Variants in PLCXD1 observed in about 807,000 individuals in gnomAD.
The protein encoded by PLCXD1 is phosphatidylinositol specific phospholipase C X domain containing 1, also known as PI-PLC X domain-containing protein 1.
PLCXD1 carries 45 observed loss-of-function variants against 37.8 expected under a neutral mutation model. The ratio of observed to expected loss-of-function variants is 1.19; its 90% confidence interval spans 0.94 to 1.53. PLCXD1 has a LOEUF of 1.53. Ranked by LOEUF, PLCXD1 falls within the 40% of genes most tolerant of loss-of-function variation. The probability of loss-of-function intolerance (pLI) is 0.00; values close to 1 mark genes in which losing one functional copy is unlikely to be tolerated. For missense variants in PLCXD1, 539 were observed against 454.7 expected, an observed-to-expected ratio of 1.19 and a Z score of -1.69; for synonymous variants, 246 against 206.9, an observed-to-expected ratio of 1.19 and a Z score of -1.62.
In PLCXD1 at chrX:284,261, C is replaced by G; in HGVS notation, c.74C>G (p.Ser25Trp). The G allele has an allele frequency of 6.2e-7, 1 of 1,613,218 alleles. No individual in the cohort carries two copies. Among genetic ancestry groups the G allele is most frequent in the South Asian group, 1.1e-5 (1 of 91,052 alleles). ...AGAAATGCCAACGAGGACTGGATGT[C>G]GGCACTGTGTCCCCGGCTCTGGGAT... ...HCRNANEDWM[S>W]ALCPRLWDVP... Residue 25 changes from serine (S) to tryptophan (W), a missense_variant, in exon 2 of 7, where the codon TCG becomes TGG. Coordinates refer to ENST00000381657, the MANE Select transcript of PLCXD1 (RefSeq NM_018390.4).
chrX:285,987 A>G (rs1225182569), intron 2 of PLCXD1, among the ~76,000 whole-genome samples: 6 of 152,078 alleles, frequency 3.9e-5, no homozygotes, highest in Admixed American at 3.9e-4. Flanking sequence ...TGGGTTACTG[A>G]AGTGGCATCG....
At chrX:276,571 C>T (rs1274937896), upstream of PLCXD1, among the ~76,000 whole-genome samples, 4 of 152,122 alleles carry the variant, frequency 2.6e-5, no homozygotes, top group Non-Finnish European at 5.9e-5. Context: ...GGGGGAGGGT[C>T]GCCTGGGATC....
intron 4 of PLCXD1, among the ~76,000 whole-genome samples, 175 bp from the exon 5 acceptor site, chrX:291,324 T>C (rs372161983): frequency 2.8e-4 from 43 of 152,034 alleles, no homozygotes; most frequent in African/African-American, 1.0e-3. Context: ...TTTTGTATTT[T>C]TAGTAGATAC....
rs774433472 is a variant in PLCXD1, at chrX:292,984, G to A, written c.550-51G>A. ...TTCCCAGCCCTCCGCTCTCCCAGGT[G>A]CCCCCGGCTCTCCTCTCTCCCCTGC... On this transcript the variant is annotated intron_variant, in intron 5 of 6. Coordinates refer to ENST00000381657, the MANE Select transcript of PLCXD1 (RefSeq NM_018390.4). 6.1e-6 allele frequency: 8 copies of A among 1,301,388 alleles called. No homozygotes were observed. In the South Asian group the frequency reaches 8.4e-5, roughly 14 times the overall value. 80.6% of individuals were successfully genotyped at this position (1,301,388 alleles called of 1,614,324 possible).
chrX:292,222 G>A (rs756080505), intron 5 of PLCXD1, among the ~76,000 whole-genome samples: 12 of 152,164 alleles, frequency 7.9e-5, no homozygotes, highest in African/African-American at 2.2e-4. Flanking sequence ...TTGGGAGGCC[G>A]AGGCGGGCGG....
intron 6 of PLCXD1, among the ~76,000 whole-genome samples, chrX:296,344 T>C (rs1006522910): frequency 6.6e-5 from 10 of 150,982 alleles, no homozygotes; most frequent in Non-Finnish European, 1.5e-5. Context: ...AGGCTGGTCT[T>C]GAACTCCTGA....
chrX:284,136 A>T, intron 1 of PLCXD1, 31 bp from the exon 2 acceptor site: 1 of 1,601,018 alleles, frequency 6.2e-7, no homozygotes. Flanking sequence ...AGTCACCGTA[A>T]AAAACCTCTT....
chrX:299,127 C>T lies in PLCXD1; in HGVS notation c.764C>T (p.Thr255Met), dbSNP rs199619553. ...TTGTTCGTGGCCGGCATCAACCTCA[C>T]GGAGAACCTGCAGTACGTTCTGGCG... is the stretch of plus-strand genomic sequence containing the variant. ...GGLFVAGINL[T>M]ENLQYVLAHP... The change falls in exon 7 of 7, where the codon ACG (threonine) becomes ATG (methionine). Residue 255 changes from threonine (T) to methionine (M), a missense_variant. By Grantham distance (81) the Thr-to-Met change is moderately conservative. Coordinates refer to ENST00000381657, the MANE Select transcript of PLCXD1 (RefSeq NM_018390.4). The T allele has an allele frequency of 1.3e-4, 213 of 1,613,760 alleles. No individual in the cohort carries two copies. Among genetic ancestry groups the T allele is most frequent in the Admixed American group, 3.3e-5 (2 of 59,994 alleles).
chrX:276,882 G>A (rs779725582), upstream of PLCXD1, among the ~76,000 whole-genome samples: 14 of 152,266 alleles, frequency 9.2e-5, no homozygotes, highest in African/African-American at 2.4e-4. Flanking sequence ...TTGAATGTGC[G>A]CGTCACGGCC....
rs765151225 is a variant in PLCXD1, at chrX:293,142, C to G, written c.657C>G (p.Pro219=). Residue 219 remains proline, a synonymous_variant, in exon 6 of 7, where the codon CCC becomes CCG. Transcript: ENST00000381657. Reference sequence around the variant, plus strand: ...ACCACGAGCTGTGGCCAGGAGTCCCCTACTGGTGGGGAAACAGGGTGAAGA... The same window carrying G: ...ACCACGAGCTGTGGCCAGGAGTCCCGTACTGGTGGGGAAACAGGGTGAAGA... ...RRHHELWPGV[P]YWWGNRVKTE... 13 of 1,612,650 alleles carry G rather than the reference C, an allele frequency of 8.1e-6. No individual in the cohort carries two copies. The highest frequency in any genetic ancestry group is 1.0e-5 in the Non-Finnish European group (12 of 1,179,800).
upstream of PLCXD1, chrX:281,206 G>C (rs1448171632): frequency 4.0e-6 from 1 of 251,860 alleles, no homozygotes; most frequent in African/African-American, 2.4e-5. Context: ...TTTCCAGCTG[G>C]CTGCAGAGAA....
chrX:283,876 CTCTTTT>C (rs1569564393), intron 1 of PLCXD1: 1 of 192,360 alleles, frequency 5.2e-6, no homozygotes, highest in African/African-American at 3.5e-5. Flanking sequence ...CTCTCTCTCT[CTCTTTT>C]TTTTTTTTCT....
At chrX:287,442 C>CACTATATATGTTTATATATATAATATAT (rs1569564445) in intron 2 of PLCXD1, among the ~76,000 whole-genome samples, 4 of 132,026 alleles carry the variant, frequency 3.0e-5, no homozygotes, top group African/African-American at 1.2e-4. Flanking sequence ...GATATATATA[C>CACTATATATGTTTATATATATAATATAT]ACTATATATG....
upstream of PLCXD1, among the ~76,000 whole-genome samples, chrX:279,177 T>A (rs2069211712): frequency 6.6e-6 from 1 of 152,188 alleles, no homozygotes; most frequent in African/African-American, 2.4e-5. Context: ...AGTCGATTGA[T>A]CGGCTAAGGT....
chrX:290,105 A>T (rs1019602870), intron 3 of PLCXD1, among the ~76,000 whole-genome samples: 6 of 151,958 alleles, frequency 3.9e-5, no homozygotes, highest in African/African-American at 1.4e-4. Context: ...CTACAGGTGT[A>T]CACCACCACA....
At chrX:285,137 CAT>C (rs1194128838) in intron 2 of PLCXD1, among the ~76,000 whole-genome samples, 1 of 110,136 alleles carries the variant, frequency 9.1e-6, no homozygotes, top group Non-Finnish European at 1.9e-5. Context: ...CACACACATA[CAT>C]GCATGCACAC....
upstream of PLCXD1, among the ~76,000 whole-genome samples, chrX:276,956 C>A (rs1194750925): frequency 2.0e-5 from 3 of 152,126 alleles, no homozygotes; most frequent in African/African-American, 7.2e-5. Context: ...AGGTGTCTCA[C>A]CCCGCCTGGC....
rs1451607958 is a variant in PLCXD1 at position 299,577 on chromosome X, G to A, written c.*242G>A. The stretch of plus-strand genomic sequence containing the variant: ...GCTTGAGAGCAGCCTGACCAACATG[G>A]TGAAATCCCATCTCTACTAAAAATA... On this transcript the variant is annotated 3_prime_UTR_variant, in exon 7 of 7. Coordinates refer to ENST00000381657, the MANE Select transcript of PLCXD1 (RefSeq NM_018390.4). The A allele has an allele frequency of 1.2e-5, 7 of 585,508 alleles. No individual in the cohort carries two copies. The highest frequency in any genetic ancestry group is 4.2e-5 in the South Asian group (2 of 47,980). 36.3% of individuals were successfully genotyped at this position (585,508 alleles called of 1,614,324 possible). A position where few individuals can be genotyped will look rare whatever the true frequency, so the allele number is the denominator to read the frequency against.
At chrX:286,021 C>T (rs2069443270) in intron 2 of PLCXD1, among the ~76,000 whole-genome samples, 2 of 151,780 alleles carry the variant, frequency 1.3e-5, no homozygotes, top group African/African-American at 4.8e-5. Context: ...TTCTTCCTTG[C>T]AATGTAGGGA....
Sources: gnomAD v4.1 joint callset for allele counts (sites outside exome capture counted in the v4.1 genomes callset) on GRCh38, gnomAD v4.1.1 for gene constraint, MANE v1.5 for transcripts, NCBI Gene and HGNC (gene_info 2026-07-23, HGNC 2026-07-21) for gene names.